The following RTN1 variants were observed in gnomAD, a reference collection of about 807,000 sequenced individuals.
RTN1 encodes reticulon-1.
A neutral mutation model predicts 65.5 loss-of-function variants in RTN1; 25 were observed. The observed-to-expected ratio is 0.38, with a 90% CI of 0.28 to 0.53. The LOEUF is 0.53. RTN1 is among the 20% of genes least tolerant of loss of function. The probability of loss-of-function intolerance (pLI) is 0.79; values close to 1 mark genes in which losing one functional copy is unlikely to be tolerated. For missense variants in RTN1, 983 were observed against 1,025.4 expected, an observed-to-expected ratio of 0.96 and a Z score of 0.57; for synonymous variants, 471 against 447.6, an observed-to-expected ratio of 1.05 and a Z score of -0.66.
chr14:59,810,472 A>C (rs1463626375), intron 1 of RTN1, among the ~76,000 whole-genome samples: 1 of 152,182 alleles, frequency 6.6e-6, no homozygotes, highest in Non-Finnish European at 1.5e-5. Flanking sequence ...TGTGTCTTCT[A>C]CCAGCATCCA....
intron 3 of RTN1, chr14:59,630,896 G>C: frequency 4.2e-6 from 4 of 956,514 alleles, no homozygotes; most frequent in Non-Finnish European, 5.0e-6. Flanking sequence ...GTGAGAGGAG[G>C]AGGACTTGGG....
chr14:59,808,274 T>C (rs1886670959), intron 1 of RTN1, among the ~76,000 whole-genome samples: 1 of 152,180 alleles, frequency 6.6e-6, no homozygotes, highest in African/African-American at 2.4e-5. Context: ...AACTATGCAT[T>C]AAGTCTTACA....
At chr14:59,839,235 T>C (rs996068508) in intron 1 of RTN1, among the ~76,000 whole-genome samples, 1 of 152,198 alleles carries the variant, frequency 6.6e-6, no homozygotes, top group African/African-American at 2.4e-5. Flanking sequence ...TATATGCAGA[T>C]GTAACTCAGT....
intron 3 of RTN1, among the ~76,000 whole-genome samples, chr14:59,723,887 C>T (rs144511840): frequency 6.6e-6 from 1 of 152,194 alleles, no homozygotes; most frequent in East Asian, 1.9e-4. Flanking sequence ...ACAGGTGTCC[C>T]CCTGGAATAT....
intron 1 of RTN1, among the ~76,000 whole-genome samples, chr14:59,750,084 G>T (rs1448680579): frequency 6.3e-4 from 26 of 41,190 alleles, no homozygotes; most frequent in Admixed American, 1.5e-3. Context: ...ATATATTATA[G>T]ACATATATAT....
rs1030731028 is a variant in RTN1, at chr14:59,846,421, TAC to T, written c.241+23967_241+23968del. 9.9e-5 allele frequency among the ~76,000 whole-genome samples: 15 copies of T among 152,022 alleles called. No homozygotes were observed. Among genetic ancestry groups the T allele is most frequent in the Admixed American group, 2.0e-4 (3 of 15,276 alleles). On this transcript the variant is annotated intron_variant, in intron 1 of 8. Transcript: ENST00000267484. This position sits in a 1 kb window ranked among gnomAD's most constrained non-coding sequence, Gnocchi z 4.8. ...CAGAGTTGATGTATGCACACGTGTGTACACACACACGTGTGTACCACACACAT... is the reference window on the plus strand; with the variant it reads ...CAGAGTTGATGTATGCACACGTGTGTACACACACGTGTGTACCACACACAT...
chr14:59,660,465 T>G (rs1272118635), intron 3 of RTN1, among the ~76,000 whole-genome samples: 1 of 152,190 alleles, frequency 6.6e-6, no homozygotes, highest in African/African-American at 2.4e-5. Flanking sequence ...TTGCACTTAT[T>G]CTAAAATTGA....
intron 2 of RTN1, among the ~76,000 whole-genome samples, chr14:59,743,820 T>C (rs1485161337): frequency 2.0e-5 from 3 of 152,152 alleles, no homozygotes; most frequent in African/African-American, 7.2e-5. Flanking sequence ...CAATTCCCTT[T>C]CTCAGGACAC....
chr14:59,711,992 C>T (rs1884430245), intron 3 of RTN1, among the ~76,000 whole-genome samples: 1 of 152,084 alleles, frequency 6.6e-6, no homozygotes, highest in Non-Finnish European at 1.5e-5. Flanking sequence ...ACCTGAGAAG[C>T]CATATGTTGA....
In RTN1 at chr14:59,641,476, TCTC is replaced by T. The variant is rs1310529936; in HGVS notation, c.1766-33987_1766-33985del. On this transcript the variant is annotated intron_variant, in intron 3 of 8. Transcript: ENST00000267484. ...CCTCTGCCTCCTGGGTTCAAGCAATTCTCCTTCCTCAGCCTCCTGAATAGCTGG... is the reference window on the plus strand; with the variant it reads ...CCTCTGCCTCCTGGGTTCAAGCAATTCTTCCTCAGCCTCCTGAATAGCTGG... Among the ~76,000 whole-genome samples, 3 of 152,036 alleles carry T rather than the reference TCTC, an allele frequency of 2.0e-5. No homozygotes were observed. In the East Asian group the frequency reaches 5.8e-4, roughly 29 times the overall value.
chr14:59,749,210 C>CTA lies in RTN1; in HGVS notation c.242-2731_242-2730dup, dbSNP rs1178952993. On this transcript the variant is annotated intron_variant, in intron 1 of 8. Transcript: ENST00000267484. ...TATCTATATATATCTATATATATAT[C>CTA]TATATATATCTATATATCTATATAT... Among the ~76,000 whole-genome samples, 27 of 63,532 alleles carry CTA rather than the reference C, an allele frequency of 4.2e-4. 5 individuals are homozygous for CTA. Among genetic ancestry groups the CTA allele is most frequent in the African/African-American group, 3.0e-3 (26 of 8,750 alleles). The allele number at this position is 63,532 out of a possible 152,430, so 41.7% of individuals were successfully genotyped here.
chr14:59,671,654 C>A (rs1358752986), intron 3 of RTN1, among the ~76,000 whole-genome samples: 1 of 152,206 alleles, frequency 6.6e-6, no homozygotes, highest in African/African-American at 2.4e-5. Context: ...GGCTTCAGAG[C>A]ACCAGGACAC....
At chr14:59,664,003 A>G (rs978449186) in intron 3 of RTN1, among the ~76,000 whole-genome samples, 1 of 152,158 alleles carries the variant, frequency 6.6e-6, no homozygotes, top group South Asian at 2.1e-4. Flanking sequence ...TTCTACTCTA[A>G]ACACACATGC....
At chr14:59,668,298 C>T (rs760617909) in intron 3 of RTN1, among the ~76,000 whole-genome samples, 31 of 152,186 alleles carry the variant, frequency 2.0e-4, no homozygotes, top group African/African-American at 4.3e-4. Context: ...GAAATAACAC[C>T]GCACATCTAC....
intron 1 of RTN1, among the ~76,000 whole-genome samples, chr14:59,793,157 T>A (rs75932623): frequency 0.013 from 1,920 of 152,310 alleles, 38 homozygotes; most frequent in African/African-American, 0.043. Context: ...AGAGAAACAG[T>A]GACCTGGCAT....
intron 3 of RTN1, among the ~76,000 whole-genome samples, chr14:59,608,236 T>C (rs963876849): frequency 2.0e-5 from 3 of 152,258 alleles, no homozygotes; most frequent in Non-Finnish European, 2.9e-5. Context: ...ATGGTTTTTA[T>C]AGAATTCTAT....
chr14:59,806,144 G>A (rs1165221184), intron 1 of RTN1, among the ~76,000 whole-genome samples: 4 of 152,018 alleles, frequency 2.6e-5, no homozygotes, highest in African/African-American at 7.2e-5. Flanking sequence ...GCTGAGGCAG[G>A]AGAATCACTC....
At position 59,654,856 on chromosome 14, in the gene RTN1, G is replaced by A. The variant is rs552203114; in HGVS notation, c.1766-47364C>T. ...CTCCAAAAACACTCATGGCAATTAT[G>A]ATATTTAATGGTGAAAGATTGGAAG... On this transcript the variant is annotated intron_variant, in intron 3 of 8. Coordinates refer to ENST00000267484, the MANE Select transcript of RTN1 (RefSeq NM_021136.3). 9.9e-5 allele frequency among the ~76,000 whole-genome samples: 15 copies of A among 152,276 alleles called. No individual in the cohort carries two copies. In the South Asian group the frequency reaches 3.1e-3, roughly 32 times the overall value.
At chr14:59,832,135 T>A (rs746515630) in intron 1 of RTN1, among the ~76,000 whole-genome samples, 1 of 152,148 alleles carries the variant, frequency 6.6e-6, no homozygotes, top group Non-Finnish European at 1.5e-5. Context: ...ATTAAATGGA[T>A]ATGGACCAAA....
Sources: gnomAD v4.1 joint callset for allele counts (sites outside exome capture counted in the v4.1 genomes callset) on GRCh38, gnomAD v4.1.1 for gene constraint, Gnocchi (gnomAD v3.1) non-coding constraint, MANE v1.5 for transcripts, NCBI Gene and HGNC (gene_info 2026-07-23, HGNC 2026-07-21) for gene names.